Variants in OPCML observed in about 807,000 individuals in gnomAD.
OPCML encodes opioid binding protein/cell adhesion molecule like.
A neutral mutation model predicts 37.8 loss-of-function variants in OPCML; 13 were observed. That is an observed-to-expected ratio of 0.34 (90% CI 0.22 to 0.55). The LOEUF (loss-of-function observed/expected upper bound fraction) is 0.55, where lower values mean the gene tolerates loss of function less well. Among genes scored for constraint, OPCML ranks in the 20% least tolerant of loss-of-function variants. The probability of loss-of-function intolerance (pLI) is 0.91; values close to 1 mark genes in which losing one functional copy is unlikely to be tolerated. For synonymous variants in OPCML, 176 were observed against 168.8 expected, an observed-to-expected ratio of 1.04 and a Z score of -0.33; for missense variants, 341 against 435.6, an observed-to-expected ratio of 0.78 and a Z score of 1.93.
intron 3 of OPCML, among the ~76,000 whole-genome samples, chr11:132,583,900 C>A (rs1000487630): frequency 6.6e-6 from 1 of 152,104 alleles, no homozygotes; most frequent in African/African-American, 2.4e-5. Flanking sequence ...AGGCATGAAC[C>A]ACTGTGCCCG....
At chr11:132,571,642 T>C (rs950359455) in intron 3 of OPCML, among the ~76,000 whole-genome samples, 1 of 152,328 alleles carries the variant, frequency 6.6e-6, no homozygotes, top group African/African-American at 2.4e-5. Context: ...ATCATACACA[T>C]ACACCACGTT....
At chr11:132,619,725 G>A (rs928837096) in intron 3 of OPCML, among the ~76,000 whole-genome samples, 6 of 150,530 alleles carry the variant, frequency 4.0e-5, no homozygotes, top group African/African-American at 1.2e-4. Context: ...GGTGGCGGGC[G>A]CCTGTAGTCC....
At chr11:132,767,354 T>G (rs574100868) in intron 2 of OPCML, among the ~76,000 whole-genome samples, 1 of 152,196 alleles carries the variant, frequency 6.6e-6, no homozygotes, top group Non-Finnish European at 1.5e-5. Context: ...TACACATGAG[T>G]AAACTGAAGC....
intron 1 of OPCML, among the ~76,000 whole-genome samples, chr11:133,363,986 T>C (rs969140396): frequency 3.3e-5 from 5 of 152,098 alleles, no homozygotes; most frequent in Non-Finnish European, 5.9e-5. Context: ...GCACATCTGT[T>C]TTCATGCACA....
intron 1 of OPCML, among the ~76,000 whole-genome samples, chr11:133,222,478 C>T (rs913235175): frequency 2.6e-5 from 4 of 152,164 alleles, no homozygotes; most frequent in African/African-American, 9.6e-5. Context: ...TGACGGGCTG[C>T]AGCCTGGACT....
intron 2 of OPCML, among the ~76,000 whole-genome samples, chr11:132,816,799 A>G (rs1034279209): frequency 1.3e-5 from 2 of 152,210 alleles, no homozygotes; most frequent in Non-Finnish European, 2.9e-5. Context: ...CTCCACAGCC[A>G]TATCCTTCTT....
At chr11:133,210,354 C>T (rs770574022) in intron 1 of OPCML, among the ~76,000 whole-genome samples, 9 of 152,040 alleles carry the variant, frequency 5.9e-5, no homozygotes, top group Non-Finnish European at 1.2e-4. Flanking sequence ...GTGGTTTTTG[C>T]CTGCTCCCCT....
intron 2 of OPCML, among the ~76,000 whole-genome samples, chr11:132,870,588 G>C (rs924036322): frequency 1.3e-5 from 2 of 152,158 alleles, no homozygotes; most frequent in African/African-American, 4.8e-5. Flanking sequence ...CTGTCGAAGA[G>C]ATGTCTGCCC....
At chr11:132,899,433 A>G (rs1239583864) in intron 2 of OPCML, among the ~76,000 whole-genome samples, 1 of 151,506 alleles carries the variant, frequency 6.6e-6, no homozygotes, top group African/African-American at 2.5e-5. Context: ...ATAGTGTTTC[A>G]GTTATCATCC....
chr11:132,855,896 AC>A (rs1245784539), intron 2 of OPCML, among the ~76,000 whole-genome samples: 2 of 152,182 alleles, frequency 1.3e-5, no homozygotes, highest in Non-Finnish European at 1.5e-5. Context: ...CAGCTTCAAG[AC>A]CCTTAATTGC....
chr11:132,661,749 T>C (rs1037429961), intron 2 of OPCML, among the ~76,000 whole-genome samples: 1 of 152,238 alleles, frequency 6.6e-6, no homozygotes, highest in African/African-American at 2.4e-5. Flanking sequence ...ACATCACAAG[T>C]AACCTCTAAA....
Position 133,431,692 on chromosome 11 carries a change from C to T in OPCML, c.61+100572G>A, listed in dbSNP as rs193096587. On this transcript the variant is annotated intron_variant, in intron 1 of 7. Coordinates refer to ENST00000524381, the MANE Select transcript of OPCML (RefSeq NM_001012393.5). ...GTTGGTCAGGCTGGTCTGGAACTCT[C>T]CACCTCAGGTGATCCGCCAGCCTCA... 2.3e-3 allele frequency among the ~76,000 whole-genome samples: 355 copies of T among 151,490 alleles called. 1 individual carries two copies. Among genetic ancestry groups the T allele is most frequent in the African/African-American group, 8.3e-3 (345 of 41,382 alleles).
intron 2 of OPCML, among the ~76,000 whole-genome samples, chr11:132,827,632 T>TTTTGTTGTCTGTTTGCTTG (rs1940432670): frequency 6.6e-6 from 1 of 152,200 alleles, no homozygotes; most frequent in Admixed American, 6.5e-5. Flanking sequence ...TTGTTGTTGT[T>TTTTGTTGTCTGTTTGCTTG]TTTGTTGTCT....
intron 3 of OPCML, among the ~76,000 whole-genome samples, chr11:132,598,783 C>T (rs191003501): frequency 1.8e-3 from 270 of 152,062 alleles, no homozygotes; most frequent in Non-Finnish European, 3.1e-3. Context: ...TCCCATGGTT[C>T]GGTCAATATT....
At chr11:133,312,132 A>G (rs1452084151) in intron 1 of OPCML, among the ~76,000 whole-genome samples, 1 of 152,250 alleles carries the variant, frequency 6.6e-6, no homozygotes, top group Non-Finnish European at 1.5e-5. Context: ...TTGGAGGCTC[A>G]TCTGCTGAAT....
At chr11:133,038,715 ACT>A (rs1433069279) in intron 1 of OPCML, among the ~76,000 whole-genome samples, 1 of 151,756 alleles carries the variant, frequency 6.6e-6, no homozygotes, top group African/African-American at 2.4e-5. Context: ...CGATCCCACA[ACT>A]CTCTGCTGTC....
At chr11:133,198,077 A>G (rs985362209) in intron 1 of OPCML, among the ~76,000 whole-genome samples, 1 of 152,164 alleles carries the variant, frequency 6.6e-6, no homozygotes, top group Non-Finnish European at 1.5e-5. Context: ...ATGAAATGAT[A>G]TTTTTCAACC....
At chr11:133,452,278 G>A (rs942994316) in intron 1 of OPCML, among the ~76,000 whole-genome samples, 1 of 148,824 alleles carries the variant, frequency 6.7e-6, no homozygotes, top group Non-Finnish European at 1.5e-5. Flanking sequence ...AATCTCAACA[G>A]AGAAACTTTA....
At position 132,673,243 on chromosome 11, in the gene OPCML, A is replaced by C. The variant is rs56375723; in HGVS notation, c.147-15924T>G. 7.7e-3 allele frequency among the ~76,000 whole-genome samples: 1,176 copies of C among 152,216 alleles called. 18 individuals are homozygous for C. Among genetic ancestry groups the C allele is most frequent in the African/African-American group, 0.027 (1,137 of 41,546 alleles). ...TCTTGTCCTTAGAACGCATGGGTGAAGATCAGAGGTGATGTTCATGAGCAA... is the reference window on the plus strand; with the variant it reads ...TCTTGTCCTTAGAACGCATGGGTGACGATCAGAGGTGATGTTCATGAGCAA... On this transcript the variant is annotated intron_variant, in intron 2 of 7. Coordinates refer to ENST00000524381, the MANE Select transcript of OPCML (RefSeq NM_001012393.5).
Sources: gnomAD v4.1 joint callset for allele counts (sites outside exome capture counted in the v4.1 genomes callset) on GRCh38, gnomAD v4.1.1 for gene constraint, MANE v1.5 for transcripts, NCBI Gene and HGNC (gene_info 2026-07-23, HGNC 2026-07-21) for gene names.